Variants in WWP1 observed in about 807,000 individuals in gnomAD.
WWP1 encodes WW domain containing E3 ubiquitin protein ligase 1.
WWP1 carries 49 observed loss-of-function variants against 130.6 expected under a neutral mutation model. The ratio of observed to expected loss-of-function variants is 0.38; its 90% confidence interval spans 0.30 to 0.48. WWP1 has a LOEUF of 0.48. Among genes scored for constraint, WWP1 ranks in the 20% least tolerant of loss-of-function variants. The pLI, the probability that WWP1 is intolerant of heterozygous loss-of-function variation, is 0.99. For missense variants in WWP1, 809 were observed against 1,100.6 expected (o/e 0.74, Z 3.75); for synonymous variants, 332 against 367.8 (o/e 0.90, Z 1.11).
intron 18 of WWP1, among the ~76,000 whole-genome samples, chr8:86,443,931 G>A (rs1159373334): frequency 6.6e-6 from 1 of 152,148 alleles, no homozygotes; most frequent in African/African-American, 2.4e-5. Flanking sequence ...ATGCTGTGTG[G>A]GACCTTTAGG....
At chr8:86,463,664 A>G (rs772344112) in intron 24 of WWP1, among the ~76,000 whole-genome samples, 3 of 152,128 alleles carry the variant, frequency 2.0e-5, no homozygotes, top group Non-Finnish European at 4.4e-5. Context: ...AAATGTGTCA[A>G]CATTTAGAAA....
intron 1 of WWP1, among the ~76,000 whole-genome samples, chr8:86,362,298 A>T (rs909847150): frequency 2.7e-5 from 4 of 148,064 alleles, no homozygotes; most frequent in Admixed American, 6.8e-5. Flanking sequence ...AAATTGATAT[A>T]CTAGAAAGAT....
Position 86,442,682 on chromosome 8 carries a change from G to C in WWP1, c.1902G>C (p.Ala634=), listed in dbSNP as rs774196333. ...LNPMYCLFEY[A]GKNNYCLQIN... ...CAATGTATTGCTTATTTGAGTATGC[G>C]GGCAAGAACAACTATTGTCTGCAGA... Residue 634 remains alanine, a synonymous_variant, in exon 18 of 25, where the codon GCG becomes GCC. Coordinates refer to ENST00000517970, the MANE Select transcript of WWP1 (RefSeq NM_007013.4). 1 of 1,611,556 alleles carries C rather than the reference G, an allele frequency of 6.2e-7. No individual in the cohort carries two copies. Among genetic ancestry groups the C allele is most frequent in the Admixed American group, 1.7e-5 (1 of 59,936 alleles).
At chr8:86,397,063 G>T (rs1306241181) in intron 5 of WWP1, among the ~76,000 whole-genome samples, 1 of 152,136 alleles carries the variant, frequency 6.6e-6, no homozygotes, top group Non-Finnish European at 1.5e-5. Context: ...AGTAGTTCTA[G>T]ATTTTTGTCT....
intron 9 of WWP1, among the ~76,000 whole-genome samples, chr8:86,414,257 GTA>G (rs1374572408): frequency 6.6e-6 from 1 of 152,006 alleles, no homozygotes; most frequent in Non-Finnish European, 1.5e-5. Flanking sequence ...GTATGTGTGT[GTA>G]TGTAAGTAAA....
At chr8:86,390,503 T>C (rs760513687) in intron 5 of WWP1, among the ~76,000 whole-genome samples, 6 of 151,952 alleles carry the variant, frequency 3.9e-5, no homozygotes, top group Non-Finnish European at 7.4e-5. Flanking sequence ...GACCAGCCCG[T>C]CCAACACGGC....
intron 17 of WWP1, 98 bp from the exon 18 acceptor site, chr8:86,442,521 G>C (rs1810644751): frequency 8.5e-7 from 1 of 1,178,132 alleles, no homozygotes; most frequent in Admixed American, 3.0e-5. Flanking sequence ...CTTAAAGACT[G>C]TTGAGCAGAG....
At chr8:86,379,368 G>A (rs957282527) in intron 3 of WWP1, among the ~76,000 whole-genome samples, 5 of 152,100 alleles carry the variant, frequency 3.3e-5, no homozygotes, top group African/African-American at 1.2e-4. Context: ...TTATCACATT[G>A]TATTTCAGTG....
At chr8:86,392,371 G>A (rs567103807) in intron 5 of WWP1, among the ~76,000 whole-genome samples, 3 of 152,272 alleles carry the variant, frequency 2.0e-5, no homozygotes, top group Non-Finnish European at 4.4e-5. Context: ...ATTTTGAGGC[G>A]GAGAGAACCA....
chr8:86,445,158 G>C (rs1810792540), intron 18 of WWP1, among the ~76,000 whole-genome samples: 1 of 152,152 alleles, frequency 6.6e-6, no homozygotes, highest in Admixed American at 6.6e-5. Context: ...CAGGGCATTA[G>C]TCTATTAGTT....
At chr8:86,356,947 G>A (rs1359318854) in intron 1 of WWP1, among the ~76,000 whole-genome samples, 2 of 152,250 alleles carry the variant, frequency 1.3e-5, no homozygotes, top group Middle Eastern at 3.4e-3. Flanking sequence ...CAACGACTTC[G>A]TCTAGTTTGT....
intron 17 of WWP1, among the ~76,000 whole-genome samples, chr8:86,439,862 T>A (rs1362950250): frequency 6.6e-6 from 1 of 152,222 alleles, no homozygotes; most frequent in Non-Finnish European, 1.5e-5. Flanking sequence ...AACTCCTTTT[T>A]TGAACTCATT....
intron 14 of WWP1, among the ~76,000 whole-genome samples, chr8:86,432,024 A>G (rs1240398729): frequency 2.0e-5 from 3 of 152,110 alleles, no homozygotes. Context: ...AGATACTATT[A>G]TTTTTCCCTT....
intron 14 of WWP1, 81 bp from the exon 15 acceptor site, chr8:86,435,371 T>C (rs953105848): frequency 1.5e-5 from 21 of 1,444,362 alleles, no homozygotes; most frequent in African/African-American, 8.5e-5. Flanking sequence ...TGTTGGACTT[T>C]AGTACACTCT....
chr8:86,458,969 A>G (rs1190839036), intron 22 of WWP1, among the ~76,000 whole-genome samples: 1 of 150,630 alleles, frequency 6.6e-6, no homozygotes, highest in Non-Finnish European at 1.5e-5. Flanking sequence ...ACTATGATAC[A>G]TCCGTTCTTT....
chr8:86,352,787 C>G (rs1311107638), intron 1 of WWP1, among the ~76,000 whole-genome samples: 3 of 152,198 alleles, frequency 2.0e-5, no homozygotes, highest in East Asian at 3.8e-4. Context: ...CAAACAAACT[C>G]TAGAAACTTG....
chr8:86,427,803 C>T lies in WWP1; in HGVS notation c.1318C>T (p.Arg440Ter), dbSNP rs750076594. The change falls in exon 11 of 25, where the codon CGA becomes TGA. Residue 440 changes from arginine to a stop codon, truncating the protein, a stop_gained. Coordinates refer to ENST00000517970, the MANE Select transcript of WWP1 (RefSeq NM_007013.4). LOFTEE classifies it high-confidence loss of function. ...LQGAMQQFNQ[R>*]YLYSASMLAA... ...GGGAGCTATGCAACAGTTTAACCAACGATACCTCTATTCGGTAATTAGCAA... is the reference window on the plus strand; with the variant it reads ...GGGAGCTATGCAACAGTTTAACCAATGATACCTCTATTCGGTAATTAGCAA... 3.7e-6 allele frequency: 6 copies of T among 1,611,324 alleles called. No individual in the cohort carries two copies. Among genetic ancestry groups the T allele is most frequent in the South Asian group, 2.2e-5 (2 of 90,552 alleles).
chr8:86,442,104 T>C (rs1034533677), intron 17 of WWP1, among the ~76,000 whole-genome samples: 6 of 152,140 alleles, frequency 3.9e-5, no homozygotes, highest in Non-Finnish European at 8.8e-5. Context: ...TGCAAATGTA[T>C]ATTAAAACCT....
chr8:86,397,564 C>T (rs1311892622), intron 5 of WWP1, among the ~76,000 whole-genome samples: 3 of 152,164 alleles, frequency 2.0e-5, no homozygotes, highest in African/African-American at 7.2e-5. Context: ...CTAACTGAAG[C>T]TGTGTATCCT....
Sources: gnomAD v4.1 joint callset for allele counts (sites outside exome capture counted in the v4.1 genomes callset) on GRCh38, gnomAD v4.1.1 for gene constraint, MANE v1.5 for transcripts, NCBI Gene and HGNC (gene_info 2026-07-23, HGNC 2026-07-21) for gene names.